The following PRORP variants were observed in gnomAD, a reference collection of about 807,000 sequenced individuals.
The protein encoded by PRORP is mitochondrial ribonuclease P catalytic subunit.
PRORP carries 51 observed loss-of-function variants against 59.4 expected under a neutral mutation model. That is an observed-to-expected ratio of 0.86 (90% CI 0.69 to 1.08). The LOEUF (loss-of-function observed/expected upper bound fraction) is 1.08, where lower values mean the gene tolerates loss of function less well. Ranked by LOEUF, PRORP falls within the 50% of genes least tolerant of loss-of-function variation. The probability of loss-of-function intolerance (pLI) is 0.00; values close to 1 mark genes in which losing one functional copy is unlikely to be tolerated. For synonymous variants in PRORP, 231 were observed against 245.6 expected (o/e 0.94, Z 0.55); for missense variants, 646 against 690.3 (o/e 0.94, Z 0.72).
chr14:35,262,911 G>T, intron 5 of PRORP: 2 of 1,574,356 alleles, frequency 1.3e-6, no homozygotes, highest in Non-Finnish European at 8.7e-7. Context: ...TAATGACATT[G>T]AGCTTGTTTC....
chr14:35,141,183 T>C (rs1161796948), intron 4 of PRORP, among the ~76,000 whole-genome samples: 2 of 145,806 alleles, frequency 1.4e-5, no homozygotes. Context: ...GCTATGCGCA[T>C]AGTGTTACTT....
chr14:35,148,947 C>T (rs1253851632), intron 4 of PRORP, among the ~76,000 whole-genome samples: 1 of 109,998 alleles, frequency 9.1e-6, no homozygotes, highest in East Asian at 2.9e-4. Flanking sequence ...GAGACGGAGT[C>T]TCGCTCTGTG....
chr14:35,170,399 TTTTAAAAAATTTTATCA>T lies in PRORP; in HGVS notation c.1168-10270_1168-10254del, dbSNP rs1253256723. Among the ~76,000 whole-genome samples, 18 of 152,260 alleles carry T rather than the reference TTTTAAAAAATTTTATCA, an allele frequency of 1.2e-4. 1 individual carries two copies. The highest frequency in any genetic ancestry group is 3.4e-3 in the Middle Eastern group (1 of 294). ...TATACCTTTTTGCTTTTTTTTAAAC[TTTTAAAAAATTTTATCA>T]ACTCTGGCCTACAGATCTACATTAT... On this transcript the variant is annotated intron_variant, in intron 4 of 7. Coordinates refer to ENST00000534898, the MANE Select transcript of PRORP (RefSeq NM_014672.4).
chr14:35,127,730 A>G lies in PRORP; in HGVS notation c.1167+119A>G, dbSNP rs1042971785. The G allele has an allele frequency of 8.4e-5, 77 of 916,398 alleles. 1 individual carries two copies. In the Middle Eastern group the frequency reaches 8.6e-4, roughly 10 times the overall value. The allele number at this position is 916,398 out of a possible 1,614,324, so 56.8% of individuals were successfully genotyped here. ...TTTGTAGGTCATCGGTCCCTGTTGC[A>G]ACTTTTCAACTCTGCTGTTGTAGTT... On this transcript the variant is annotated intron_variant, in intron 4 of 7. Coordinates refer to ENST00000534898, the MANE Select transcript of PRORP (RefSeq NM_014672.4).
chr14:35,265,564 G>C (rs910988178), intron 5 of PRORP, among the ~76,000 whole-genome samples: 3 of 152,132 alleles, frequency 2.0e-5, no homozygotes, highest in Non-Finnish European at 4.4e-5. Context: ...TGGGGATAAA[G>C]TAACTGACTG....
intron 4 of PRORP, among the ~76,000 whole-genome samples, chr14:35,157,482 G>T (rs1224844427): frequency 3.3e-5 from 5 of 152,162 alleles, no homozygotes; most frequent in Admixed American, 2.6e-4. Flanking sequence ...AGCATTCATT[G>T]TTCCTGTAAA....
At chr14:35,151,546 T>G (rs2047746662) in intron 4 of PRORP, among the ~76,000 whole-genome samples, 1 of 151,832 alleles carries the variant, frequency 6.6e-6, no homozygotes, top group Admixed American at 6.6e-5. Context: ...CCTCTTTCCT[T>G]CATATCCCCA....
chr14:35,204,045 A>G (rs1391533381), intron 5 of PRORP, among the ~76,000 whole-genome samples: 1 of 152,228 alleles, frequency 6.6e-6, no homozygotes, highest in Non-Finnish European at 1.5e-5. Context: ...TTTGTATTTC[A>G]CATATGGTAT....
At chr14:35,242,423 A>C (rs2050390014) in intron 5 of PRORP, among the ~76,000 whole-genome samples, 1 of 151,882 alleles carries the variant, frequency 6.6e-6, no homozygotes, top group East Asian at 1.9e-4. Context: ...TTACTCTTTG[A>C]GTATTGTTTT....
chr14:35,158,529 G>T, intron 4 of PRORP: 1 of 228,340 alleles, frequency 4.4e-6, no homozygotes, highest in Non-Finnish European at 9.3e-6. Flanking sequence ...TAAGTTCTTA[G>T]ATTTCTTTCA....
At position 35,273,635 on chromosome 14, in the gene PRORP, G is replaced by C; in HGVS notation, c.*69G>C. 1 of 1,474,790 alleles carries C rather than the reference G, an allele frequency of 6.8e-7. No individual in the cohort carries two copies. Among genetic ancestry groups the C allele is most frequent in the South Asian group, 1.4e-5 (1 of 73,640 alleles). 91.4% of individuals were successfully genotyped at this position (1,474,790 alleles called of 1,614,324 possible). A position where few individuals can be genotyped will look rare whatever the true frequency, so the allele number is the denominator to read the frequency against. On this transcript the variant is annotated 3_prime_UTR_variant, in exon 8 of 8. Transcript: ENST00000534898. ...GGTTGGCATCAGAGGCTCTTGAGCTGGTGTTTGTTTAGGGCATTGCCTCTG... is the reference window on the plus strand; with the variant it reads ...GGTTGGCATCAGAGGCTCTTGAGCTCGTGTTTGTTTAGGGCATTGCCTCTG...
chr14:35,218,549 CAG>C (rs2049682106), intron 5 of PRORP, among the ~76,000 whole-genome samples: 1 of 92,960 alleles, frequency 1.1e-5, no homozygotes, highest in Non-Finnish European at 2.0e-5. Context: ...TTTGTTGAGA[CAG>C]AGTCTTGCTC....
intron 4 of PRORP, among the ~76,000 whole-genome samples, chr14:35,153,954 A>G (rs2047847145): frequency 6.6e-6 from 1 of 152,234 alleles, no homozygotes; most frequent in South Asian, 2.1e-4. Flanking sequence ...TGTTATGAGT[A>G]CTTTATAAAT....
chr14:35,196,325 G>A (rs975348309), intron 5 of PRORP, among the ~76,000 whole-genome samples: 5 of 151,992 alleles, frequency 3.3e-5, no homozygotes, highest in Admixed American at 6.6e-5. Context: ...CCATGTCTAC[G>A]AAAAATAAAT....
chr14:35,132,714 G>C (rs1415337116), intron 4 of PRORP, among the ~76,000 whole-genome samples: 1 of 150,354 alleles, frequency 6.7e-6, no homozygotes, highest in Non-Finnish European at 1.5e-5. Flanking sequence ...TTGAACCCGT[G>C]AAGCGGAGGT....
chr14:35,178,021 G>T (rs1372759182), intron 4 of PRORP, among the ~76,000 whole-genome samples: 4 of 152,168 alleles, frequency 2.6e-5, no homozygotes, highest in African/African-American at 9.7e-5. Context: ...TCATTCAGGA[G>T]CAGGTTGTTC....
At chr14:35,261,669 C>T (rs1244141992) in intron 5 of PRORP, among the ~76,000 whole-genome samples, 3 of 151,828 alleles carry the variant, frequency 2.0e-5, no homozygotes, top group Admixed American at 6.6e-5. Flanking sequence ...GCGGAGGTTG[C>T]AGTGAGCCAA....
At chr14:35,256,582 G>C (rs901882307) in intron 5 of PRORP, among the ~76,000 whole-genome samples, 2 of 151,764 alleles carry the variant, frequency 1.3e-5, no homozygotes, top group African/African-American at 4.8e-5. Context: ...CGCCCACCTT[G>C]GCCTCCCAAA....
intron 5 of PRORP, among the ~76,000 whole-genome samples, chr14:35,209,099 A>C (rs2049370782): frequency 6.6e-6 from 1 of 151,838 alleles, no homozygotes; most frequent in African/African-American, 2.4e-5. Context: ...ACTTGAACCC[A>C]GGAGGCAGAG....
Sources: allele counts gnomAD v4.1 joint callset (sites outside exome capture counted in the v4.1 genomes callset), GRCh38; gene constraint gnomAD v4.1.1; transcripts MANE v1.5; gene names NCBI Gene and HGNC (gene_info 2026-07-23, HGNC 2026-07-21).